The following NEDD4L variants were observed in gnomAD, a reference collection of about 807,000 sequenced individuals.
NEDD4L encodes NEDD4 like E3 ubiquitin protein ligase.
NEDD4L carries 54 observed loss-of-function variants against 148.9 expected under a neutral mutation model. That is an observed-to-expected ratio of 0.36 (90% CI 0.29 to 0.45). The LOEUF (loss-of-function observed/expected upper bound fraction) is 0.45. Among genes scored for constraint, NEDD4L ranks in the 20% least tolerant of loss-of-function variants. The pLI is 1.00. For synonymous variants in NEDD4L, 433 were observed against 440.7 expected (o/e 0.98, Z 0.22); for missense variants, 856 against 1,233.8 (o/e 0.69, Z 4.59).
At chr18:58,075,924 T>G (rs1234347839) in intron 1 of NEDD4L, among the ~76,000 whole-genome samples, 1 of 152,132 alleles carries the variant, frequency 6.6e-6, no homozygotes, top group African/African-American at 2.4e-5. Flanking sequence ...GCGAGACCCC[T>G]CCAGATGATA....
intron 5 of NEDD4L, among the ~76,000 whole-genome samples, chr18:58,285,274 C>T (rs186624259): frequency 2.2e-4 from 34 of 152,140 alleles, no homozygotes; most frequent in African/African-American, 7.9e-4. Flanking sequence ...TAAAAGGACC[C>T]ATTCTAAAAG....
At chr18:58,330,264 G>C (rs537829023) in intron 10 of NEDD4L, among the ~76,000 whole-genome samples, 1 of 152,198 alleles carries the variant, frequency 6.6e-6, no homozygotes, top group Non-Finnish European at 1.5e-5. Context: ...TTTAATTACA[G>C]CGTATAGCTT....
intron 1 of NEDD4L, among the ~76,000 whole-genome samples, chr18:58,061,924 C>T (rs1318758174): frequency 1.0e-5 from 1 of 100,472 alleles, no homozygotes; most frequent in Non-Finnish European, 2.1e-5. Flanking sequence ...CTTTTGGCTA[C>T]TCTCCACTTT....
intron 5 of NEDD4L, among the ~76,000 whole-genome samples, chr18:58,314,188 G>C (rs1040268512): frequency 1.3e-5 from 2 of 152,146 alleles, no homozygotes; most frequent in African/African-American, 2.4e-5. Flanking sequence ...AGGTCGAGGA[G>C]GGCAGATCGT....
intron 1 of NEDD4L, among the ~76,000 whole-genome samples, chr18:58,049,514 C>A (rs557797201): frequency 6.6e-6 from 1 of 152,116 alleles, no homozygotes; most frequent in Non-Finnish European, 1.5e-5. Context: ...AAGGCTTGCC[C>A]AGTCATGCCA....
chr18:58,273,234 A>G (rs1449374714), intron 5 of NEDD4L, among the ~76,000 whole-genome samples: 4 of 152,230 alleles, frequency 2.6e-5, no homozygotes, highest in Admixed American at 2.0e-4. Context: ...CATGCATCTG[A>G]TATATAAATA....
intron 1 of NEDD4L, among the ~76,000 whole-genome samples, chr18:58,092,685 T>C (rs547955940): frequency 6.6e-6 from 1 of 151,962 alleles, no homozygotes; most frequent in Admixed American, 6.6e-5. Context: ...CAGAAGAGAA[T>C]GTTCTGATCT....
chr18:58,328,880 T>A, intron 9 of NEDD4L, 115 bp from the exon 10 acceptor site: 1 of 1,062,170 alleles, frequency 9.4e-7, no homozygotes, highest in East Asian at 2.4e-5. Flanking sequence ...TAGTTGTCAG[T>A]GTTTGACGCT....
chr18:58,355,833 T>C (rs569706701), intron 18 of NEDD4L, among the ~76,000 whole-genome samples: 1 of 152,034 alleles, frequency 6.6e-6, no homozygotes, highest in Admixed American at 6.5e-5. Context: ...TTTCCTCTGC[T>C]TCTATTAAAA....
At chr18:58,357,007 G>A (rs1293650319) in intron 18 of NEDD4L, among the ~76,000 whole-genome samples, 187 bp from the exon 19 acceptor site, 1 of 152,170 alleles carries the variant, frequency 6.6e-6, no homozygotes, top group Non-Finnish European at 1.5e-5. Context: ...AACAGTATGT[G>A]AGGGGGGTTG....
intron 4 of NEDD4L, among the ~76,000 whole-genome samples, chr18:58,250,081 T>C (rs956106995): frequency 6.6e-6 from 1 of 152,248 alleles, no homozygotes; most frequent in East Asian, 1.9e-4. Context: ...TTTCAGCTAA[T>C]CTTGGCAGTA....
intron 2 of NEDD4L, among the ~76,000 whole-genome samples, chr18:58,237,974 C>T (rs938086216): frequency 1.3e-5 from 2 of 152,214 alleles, no homozygotes; most frequent in African/African-American, 4.8e-5. Flanking sequence ...TTGCTCCAAA[C>T]AACAAAACCA....
Position 58,366,012 on chromosome 18 carries a change from A to G in NEDD4L, c.1847A>G (p.Asn616Ser), listed in dbSNP as rs1205835052. 1.2e-6 allele frequency: 2 copies of G among 1,609,368 alleles called. No individual in the cohort carries two copies. Among genetic ancestry groups the G allele is most frequent in the Non-Finnish European group, 8.5e-7 (1 of 1,177,258 alleles). ...KKLKKPADIP[N>S]RFEMKLHRNN... The stretch of plus-strand genomic sequence containing the variant: ...TCTTTTGTGTAGGCTGATATCCCCA[A>G]TAGGTTTGAAATGAAACTTCACAGA... Residue 616 changes from asparagine (N) to serine (S), a missense_variant, in exon 21 of 31, where the codon AAT (asparagine) becomes AGT (serine). Physicochemically the swap from Asn to Ser is conservative, Grantham distance 46 (BLOSUM62 1). Coordinates refer to ENST00000400345, the MANE Select transcript of NEDD4L (RefSeq NM_001144967.3). The surrounding 1 kb of genome is among the most constrained non-coding windows in gnomAD (Gnocchi z 4.2).
intron 29 of NEDD4L, among the ~76,000 whole-genome samples, chr18:58,391,110 T>C (rs369482080): frequency 6.6e-5 from 10 of 152,180 alleles, no homozygotes; most frequent in African/African-American, 2.4e-4. Flanking sequence ...GTGTTTACCA[T>C]AGATTTAAAA....
chr18:58,400,881 AC>A lies in NEDD4L; in HGVS notation c.*4613del, dbSNP rs1365417254. The A allele has an allele frequency of 6.6e-6, 1 of 152,094 alleles. No homozygotes were observed. Among genetic ancestry groups the A allele is most frequent in the African/African-American group, 2.4e-5 (1 of 41,388 alleles). 9.4% of individuals were successfully genotyped at this position (152,094 alleles called of 1,614,324 possible). ...CTTTGCGTGACTTTGTTCTTCCTTTACTACTCTGTATGTAATATATATACAT... is the reference window on the plus strand; with the variant it reads ...CTTTGCGTGACTTTGTTCTTCCTTTATACTCTGTATGTAATATATATACAT... On this transcript the variant is annotated 3_prime_UTR_variant, in exon 31 of 31. Coordinates refer to ENST00000400345, the MANE Select transcript of NEDD4L (RefSeq NM_001144967.3).
In NEDD4L at chr18:58,366,991, A is replaced by C. The variant is rs1319913090; in HGVS notation, c.2064-755A>C. 1 of 152,280 alleles carries C rather than the reference A, an allele frequency of 6.6e-6. No individual in the cohort carries two copies. The highest frequency in any genetic ancestry group is 2.4e-5 in the African/African-American group (1 of 41,466). 9.4% of individuals were successfully genotyped at this position (152,280 alleles called of 1,614,324 possible). A position where few individuals can be genotyped will look rare whatever the true frequency, so the allele number is the denominator to read the frequency against. On this transcript the variant is annotated intron_variant, in intron 21 of 30. Transcript: ENST00000400345. The surrounding 1 kb of genome is among the most constrained non-coding windows in gnomAD (Gnocchi z 4.2). ...ATTCTTCCTGGTTGCTCTAGCCAAG[A>C]ATTGCCCAATTGATTTGTTGTTACT...
intron 1 of NEDD4L, among the ~76,000 whole-genome samples, chr18:58,114,377 C>CACAG (rs2145715376): frequency 6.6e-6 from 1 of 152,098 alleles, no homozygotes; most frequent in Non-Finnish European, 1.5e-5. Flanking sequence ...CACACACACA[C>CACAG]ATACACACAT....
At chr18:58,287,936 A>T (rs141635369) in intron 5 of NEDD4L, among the ~76,000 whole-genome samples, 32 of 152,360 alleles carry the variant, frequency 2.1e-4, no homozygotes, top group African/African-American at 7.2e-4. Context: ...ATAATCAGTC[A>T]TGCATATGTA....
At chr18:58,164,534 T>A (rs2036605379) in intron 1 of NEDD4L, among the ~76,000 whole-genome samples, 1 of 152,180 alleles carries the variant, frequency 6.6e-6, no homozygotes, top group African/African-American at 2.4e-5. Context: ...TGCAGTGGTG[T>A]GATCTTGGCT....
Sources: gnomAD v4.1 joint callset for allele counts (sites outside exome capture counted in the v4.1 genomes callset) on GRCh38, gnomAD v4.1.1 for gene constraint, Gnocchi (gnomAD v3.1) non-coding constraint, MANE v1.5 for transcripts, NCBI Gene and HGNC (gene_info 2026-07-23, HGNC 2026-07-21) for gene names.